Variants in ABCA6 observed in about 807,000 individuals in gnomAD.
The protein encoded by ABCA6 is ATP binding cassette subfamily A member 6.
In ABCA6, 164 loss-of-function variants were observed where a neutral mutation model predicts 191.2. The observed-to-expected ratio is 0.86, with a 90% CI of 0.76 to 0.98. The LOEUF (loss-of-function observed/expected upper bound fraction) is 0.98, where lower values mean the gene tolerates loss of function less well. Ranked by LOEUF, ABCA6 falls within the 50% of genes least tolerant of loss-of-function variation. The pLI is 0.00. For missense variants in ABCA6, 1,958 were observed against 1,894.1 expected, an observed-to-expected ratio of 1.03 and a Z score of -0.63; for synonymous variants, 636 against 647.7, an observed-to-expected ratio of 0.98 and a Z score of 0.27.
rs1164578138 is a variant in ABCA6 at position 69,089,479 on chromosome 17, G to C, written c.3592C>G (p.Leu1198Val). The change falls in exon 27 of 39, where the codon CTA becomes GTA. Residue 1198 changes from leucine (L) to valine (V), a missense_variant. Transcript: ENST00000284425. ...ANFELSATDF[L>V]VCFIPYFQTL... Reference sequence around the variant, plus strand: ...GCCCTTCTTACTATGAAGCAGACTAGAAAATCAGTGGCACTCAATTCAAAA... The same window carrying C: ...GCCCTTCTTACTATGAAGCAGACTACAAAATCAGTGGCACTCAATTCAAAA... 3 of 1,613,692 alleles carry C rather than the reference G, an allele frequency of 1.9e-6. No individual in the cohort carries two copies. Among genetic ancestry groups the C allele is most frequent in the Non-Finnish European group, 2.5e-6 (3 of 1,179,860 alleles).
chr17:69,096,682 GA>G lies in ABCA6; in HGVS notation c.3239del (p.Phe1080SerfsTer3). 6.4e-7 allele frequency: 1 copy of G among 1,571,910 alleles called. No individual in the cohort carries two copies. Among genetic ancestry groups the G allele is most frequent in the Non-Finnish European group, 8.6e-7 (1 of 1,163,782 alleles). On this transcript the variant is annotated frameshift_variant, in exon 24 of 39. Coordinates refer to ENST00000284425, the MANE Select transcript of ABCA6 (RefSeq NM_080284.3). LOFTEE classifies it high-confidence loss of function. The stretch of plus-strand genomic sequence containing the variant: ...GAAGGTACTGCATGTTTTCTATGTA[GA>G]AAATTAAATACATTAAAAGGAGAAT... Reference protein sequence around the residue: ...ILILLLMYLIFYIENMQYLLI... With the variant: ...ILILLLMYLIXYIENMQYLLI...
At chr17:69,099,956 T>G (rs1023334417) in intron 22 of ABCA6, among the ~76,000 whole-genome samples, 3 of 152,124 alleles carry the variant, frequency 2.0e-5, no homozygotes, top group Admixed American at 6.5e-5. Context: ...TTTCTAATCC[T>G]GCTTCTTGAT....
intron 27 of ABCA6, among the ~76,000 whole-genome samples, 162 bp downstream of exon 27, chr17:69,089,303 A>G (rs1264229714): frequency 6.6e-6 from 1 of 152,228 alleles, no homozygotes; most frequent in Non-Finnish European, 1.5e-5. Flanking sequence ...CCAAGCATGT[A>G]AAAAGTAACT....
chr17:69,137,143 A>G (rs1051404981), intron 3 of ABCA6, among the ~76,000 whole-genome samples, 153 bp downstream of exon 3: 5 of 152,230 alleles, frequency 3.3e-5, no homozygotes, highest in African/African-American at 1.2e-4. Flanking sequence ...TTGTTGTGAG[A>G]GAAAGCAATA....
intron 10 of ABCA6, among the ~76,000 whole-genome samples, chr17:69,122,517 A>G (rs2073667953): frequency 6.6e-6 from 1 of 152,100 alleles, no homozygotes; most frequent in Non-Finnish European, 1.5e-5. Context: ...ATCTTGTTTC[A>G]TAGAAGACAC....
chr17:69,100,325 T>C (rs372684967), intron 22 of ABCA6, among the ~76,000 whole-genome samples: 3 of 129,102 alleles, frequency 2.3e-5, no homozygotes, highest in South Asian at 3.1e-4. Context: ...CCTCACAACA[T>C]AGAGCAACTA....
At chr17:69,095,779 C>G (rs2073032241) in intron 25 of ABCA6, among the ~76,000 whole-genome samples, 1 of 152,176 alleles carries the variant, frequency 6.6e-6, no homozygotes, top group Non-Finnish European at 1.5e-5. Context: ...CAAACATTTC[C>G]AGCAAAGTTT....
Position 69,091,265 on chromosome 17 carries a change from A to G in ABCA6, c.3409-3T>C, listed in dbSNP as rs760759647. On this transcript the variant is annotated splice_region_variant and splice_polypyrimidine_tract_variant and intron_variant, in intron 25 of 38. Coordinates refer to ENST00000284425, the MANE Select transcript of ABCA6 (RefSeq NM_080284.3). ...ATGGAAAACATGATGGTGGAGGCCT[A>G]CAAGGCAAGTTCAAATATATTGTAT... is the stretch of plus-strand genomic sequence containing the variant. 4 of 1,609,538 alleles carry G rather than the reference A, an allele frequency of 2.5e-6. No homozygotes were observed. The highest frequency in any genetic ancestry group is 4.5e-5 in the East Asian group (2 of 44,812).
chr17:69,137,526 A>T, intron 2 of ABCA6, 26 bp from the exon 3 acceptor site: 1 of 1,591,556 alleles, frequency 6.3e-7, no homozygotes, highest in Non-Finnish European at 8.6e-7. Flanking sequence ...AAAGAAAAAT[A>T]ATGAATTAAG....
intron 10 of ABCA6, among the ~76,000 whole-genome samples, chr17:69,119,921 ATAAAAAT>A (rs1037001926): frequency 5.9e-5 from 9 of 152,088 alleles, no homozygotes; most frequent in African/African-American, 2.2e-4. Context: ...ATACTTTTAT[ATAAAAAT>A]TAAAATCAAT....
Position 69,121,910 on chromosome 17 carries a change from A to G in ABCA6, c.1436+1329T>C, listed in dbSNP as rs549150053. On this transcript the variant is annotated intron_variant, in intron 10 of 38. Coordinates refer to ENST00000284425, the MANE Select transcript of ABCA6 (RefSeq NM_080284.3). ...GCTGGTATACTCCTAGCTAGAGCAG[A>G]GGAAGCGCTGTTGCCCCTCTCAGAA... Among the ~76,000 whole-genome samples the G allele has an allele frequency of 2.0e-4, 30 of 152,222 alleles. 1 individual carries two copies. The South Asian group carries it at 6.2e-3, about 32-fold the overall frequency.
Position 69,106,185 on chromosome 17 carries a change from C to T in ABCA6, c.2416G>A (p.Asp806Asn). The T allele has an allele frequency of 6.2e-7, 1 of 1,612,382 alleles. No homozygotes were observed. Among genetic ancestry groups the T allele is most frequent in the Non-Finnish European group, 8.5e-7 (1 of 1,179,342 alleles). ...TCCATTTCATTGAGGCTTTCTGAGTCTCTTATCATCTCCACTTGTTCGAAA... is the reference window on the plus strand; with the variant it reads ...TCCATTTCATTGAGGCTTTCTGAGTTTCTTATCATCTCCACTTGTTCGAAA... ...QDFEQVEMIR[D>N]SESLNEMELA... The change falls in exon 19 of 39, where the codon GAC (aspartate) becomes AAC (asparagine). Residue 806 changes from aspartate to asparagine, a missense_variant. Transcript: ENST00000284425.
chr17:69,103,054 G>A (rs1459475647), intron 20 of ABCA6, 86 bp from the exon 21 acceptor site: 2 of 790,150 alleles, frequency 2.5e-6, no homozygotes, highest in South Asian at 4.3e-5. Context: ...CATAATTAAA[G>A]TTAATATTTA....
chr17:69,121,062 G>A (rs1448408381), intron 10 of ABCA6, among the ~76,000 whole-genome samples: 1 of 151,964 alleles, frequency 6.6e-6, no homozygotes, highest in East Asian at 1.9e-4. Flanking sequence ...TAAAGAGGAA[G>A]AGTCAATTTT....
chr17:69,085,501 A>C, intron 31 of ABCA6, 124 bp downstream of exon 31: 1 of 757,364 alleles, frequency 1.3e-6, no homozygotes, highest in Non-Finnish European at 2.0e-6. Flanking sequence ...GAGGGGAAAA[A>C]TAAAATTTAT....
In ABCA6 at chr17:69,085,653, G is replaced by C. The variant is rs1245631128; in HGVS notation, c.4001C>G (p.Ser1334Cys). Residue 1334 changes from serine (S) to cysteine (C), a missense_variant, in exon 31 of 39, where the codon TCT becomes TGT. Ser to Cys is a moderately radical substitution (Grantham distance 112, BLOSUM62 -1). Transcript: ENST00000284425. ...AGKSSSIRMI[S>C]GITKPTAGEV... is the part of the protein sequence containing the mutation. ...TCCAGCAGTTGGCTTTGTGATCCCA[G>C]ATATCATTCTAATAGATGAACTTTT... 2.5e-6 allele frequency: 4 copies of C among 1,611,832 alleles called. No individual in the cohort carries two copies.
At chr17:69,115,552 G>C (rs1363019385) in intron 11 of ABCA6, 66 bp from the exon 12 acceptor site, 2 of 1,134,894 alleles carry the variant, frequency 1.8e-6, no homozygotes, top group Non-Finnish European at 2.5e-6. Context: ...AGACAGGCCT[G>C]GTCCCAACAT....
intron 15 of ABCA6, chr17:69,112,684 G>A (rs1240621474): frequency 5.9e-6 from 1 of 170,768 alleles, no homozygotes. Context: ...GATGGGGAAT[G>A]AGAAATTATT....
At position 69,107,826 on chromosome 17, in the gene ABCA6, A is replaced by G. The variant is rs780482097; in HGVS notation, c.2273-14T>C. On this transcript the variant is annotated splice_polypyrimidine_tract_variant and intron_variant, in intron 17 of 38. Transcript: ENST00000284425. ...CACTGAAAAGATCTAAGGCAAAAAA[A>G]TATGAATAGATACTTTGGAAAACCA... The G allele has an allele frequency of 5.5e-6, 8 of 1,461,480 alleles. No individual in the cohort carries two copies. The highest frequency in any genetic ancestry group is 1.2e-5 in the South Asian group (1 of 85,312). The allele number at this position is 1,461,480 out of a possible 1,614,324, so 90.5% of individuals were successfully genotyped here.
Sources: allele counts gnomAD v4.1 joint callset (sites outside exome capture counted in the v4.1 genomes callset), GRCh38; gene constraint gnomAD v4.1.1; transcripts MANE v1.5; gene names NCBI Gene and HGNC (gene_info 2026-07-23, HGNC 2026-07-21).